The following CLEC16A variants were observed in gnomAD, a reference collection of about 807,000 sequenced individuals.
The protein encoded by CLEC16A is C-type lectin domain containing 16A, also known as protein CLEC16A.
CLEC16A carries 51 observed loss-of-function variants against 109.5 expected under a neutral mutation model. The observed-to-expected ratio is 0.47, with a 90% CI of 0.37 to 0.59. The LOEUF (loss-of-function observed/expected upper bound fraction) is 0.59. Ranked by LOEUF, CLEC16A falls within the 20% of genes least tolerant of loss-of-function variation. The pLI, the probability that CLEC16A is intolerant of heterozygous loss-of-function variation, is 0.00. For synonymous variants in CLEC16A, 673 were observed against 564.2 expected (o/e 1.19, Z -2.73); for missense variants, 1,339 against 1,394.0 (o/e 0.96, Z 0.63).
chr16:10,948,803 A>G (rs2041568204), intron 1 of CLEC16A, among the ~76,000 whole-genome samples: 1 of 152,178 alleles, frequency 6.6e-6, no homozygotes, highest in African/African-American at 2.4e-5. Context: ...TCCACCTTTC[A>G]GCTCTACCTT....
intron 18 of CLEC16A, among the ~76,000 whole-genome samples, chr16:11,060,552 G>C (rs964412934): frequency 2.2e-4 from 33 of 152,304 alleles, no homozygotes; most frequent in African/African-American, 7.7e-4. Context: ...ACCTTCTTAG[G>C]TCTCAGCTGC....
Position 11,020,333 on chromosome 16 carries a change from C to T in CLEC16A, c.1436+8C>T, listed in dbSNP as rs1402757227. On this transcript the variant is annotated splice_region_variant and intron_variant, in intron 12 of 23. Transcript: ENST00000409790. The stretch of plus-strand genomic sequence containing the variant: ...GAGCACGCAATGGAGCAGGTAGCTG[C>T]CCGAGAGGTCGATGCTGAGTGCTCT... 1 of 1,601,950 alleles carries T rather than the reference C, an allele frequency of 6.2e-7. No individual in the cohort carries two copies. The highest frequency in any genetic ancestry group is 1.1e-5 in the South Asian group (1 of 89,496).
At chr16:11,075,916 TC>T (rs1256020742) in intron 19 of CLEC16A, among the ~76,000 whole-genome samples, 22 of 152,164 alleles carry the variant, frequency 1.4e-4, no homozygotes, top group African/African-American at 5.3e-4. Context: ...TACTCCTCTG[TC>T]AAGAAATGAT....
At chr16:11,117,114 G>A (rs1003943848) in intron 19 of CLEC16A, among the ~76,000 whole-genome samples, 8 of 152,190 alleles carry the variant, frequency 5.3e-5, no homozygotes, top group African/African-American at 1.9e-4. Flanking sequence ...CTTATAAGTG[G>A]GAGCTCAACA....
chr16:11,030,972 T>C (rs72770091), intron 13 of CLEC16A, among the ~76,000 whole-genome samples: 5 of 152,210 alleles, frequency 3.3e-5, no homozygotes, highest in Non-Finnish European at 4.4e-5. Context: ...CCCCCAAGTC[T>C]GTGGCATGTC....
chr16:11,066,961 T>C (rs2048794500), intron 19 of CLEC16A, among the ~76,000 whole-genome samples: 1 of 152,086 alleles, frequency 6.6e-6, no homozygotes, highest in African/African-American at 2.4e-5. Flanking sequence ...TCGCCAACTT[T>C]TGTTTGTTTA....
chr16:11,115,606 C>T (rs954910777), intron 19 of CLEC16A, among the ~76,000 whole-genome samples: 4 of 152,172 alleles, frequency 2.6e-5, no homozygotes, highest in African/African-American at 9.7e-5. Context: ...CTCCTGGGCT[C>T]AAGCGATCCA....
At chr16:11,151,894 G>A (rs1406804631) in intron 22 of CLEC16A, among the ~76,000 whole-genome samples, 5 of 152,200 alleles carry the variant, frequency 3.3e-5, no homozygotes. Flanking sequence ...GCTTTTTAGG[G>A]TAGTTCTGAG....
At chr16:11,044,640 T>C (rs2047536815) in intron 16 of CLEC16A, among the ~76,000 whole-genome samples, 1 of 152,190 alleles carries the variant, frequency 6.6e-6, no homozygotes, top group African/African-American at 2.4e-5. Context: ...TTTATAAATA[T>C]CTAATTGCCG....
intron 7 of CLEC16A, among the ~76,000 whole-genome samples, chr16:10,974,451 G>A (rs972767677): frequency 7.9e-5 from 12 of 152,110 alleles, no homozygotes; most frequent in African/African-American, 2.9e-4. Context: ...TCTTGAACTG[G>A]GCACCATTGT....
At chr16:11,124,633 C>T (rs1430603743) in intron 21 of CLEC16A, among the ~76,000 whole-genome samples, 1 of 152,224 alleles carries the variant, frequency 6.6e-6, no homozygotes. Context: ...GCCTTCTCCT[C>T]GGCGTGGGGG....
intron 19 of CLEC16A, among the ~76,000 whole-genome samples, chr16:11,096,866 C>A (rs894968149): frequency 2.6e-5 from 4 of 151,924 alleles, no homozygotes; most frequent in Non-Finnish European, 4.4e-5. Context: ...TTATAAATTT[C>A]AATACAAAGG....
intron 19 of CLEC16A, among the ~76,000 whole-genome samples, chr16:11,114,949 T>G (rs751221892): frequency 6.6e-6 from 1 of 152,258 alleles, no homozygotes; most frequent in African/African-American, 2.4e-5. Context: ...AGTTTTCTTA[T>G]GAAATCTCTC....
intron 13 of CLEC16A, among the ~76,000 whole-genome samples, 187 bp from the exon 14 acceptor site, chr16:11,039,567 G>C (rs1028998295): frequency 6.6e-6 from 1 of 151,992 alleles, no homozygotes; most frequent in Admixed American, 6.6e-5. Context: ...TTCAAGTCCA[G>C]CCTGGGAAAC....
At position 10,954,680 on chromosome 16, in the gene CLEC16A, TTAACCC is replaced by T. The variant is rs1303003606; in HGVS notation, c.81-3099_81-3094del. 6.6e-6 allele frequency among the ~76,000 whole-genome samples: 1 copy of T among 152,220 alleles called. No homozygotes were observed. The highest frequency in any genetic ancestry group is 1.5e-5 in the Non-Finnish European group (1 of 68,032). On this transcript the variant is annotated intron_variant, in intron 1 of 23. Coordinates refer to ENST00000409790, the MANE Select transcript of CLEC16A (RefSeq NM_015226.3). The surrounding 1 kb of genome is among the most constrained non-coding windows in gnomAD (Gnocchi z 4.2). ...GACCCAGGCATTCCAGTGTCTGTGATTAACCCTATGTTCTAATTATACCAGTGTTTG... is the reference window on the plus strand; with the variant it reads ...GACCCAGGCATTCCAGTGTCTGTGATTATGTTCTAATTATACCAGTGTTTG...
At position 11,122,176 on chromosome 16, in the gene CLEC16A, G is replaced by A. The variant is rs146064847; in HGVS notation, c.2268+1410G>A. ...CTGCTGTCTGTGTCCTGCTCTCTGC[G>A]AGAACCACCCACATACTTGAAGCTA... is the stretch of plus-strand genomic sequence containing the variant. On this transcript the variant is annotated intron_variant, in intron 20 of 23. Coordinates refer to ENST00000409790, the MANE Select transcript of CLEC16A (RefSeq NM_015226.3). Among the ~76,000 whole-genome samples, 6 of 152,274 alleles carry A rather than the reference G, an allele frequency of 3.9e-5. No individual in the cohort carries two copies. In the South Asian group the frequency reaches 1.0e-3, roughly 26 times the overall value.
At chr16:11,153,640 C>T (rs1021946413) in intron 22 of CLEC16A, among the ~76,000 whole-genome samples, 44 of 150,648 alleles carry the variant, frequency 2.9e-4, no homozygotes, top group African/African-American at 1.1e-3. Flanking sequence ...CTTCTTGACG[C>T]ACATTATAGA....
intron 23 of CLEC16A, among the ~76,000 whole-genome samples, chr16:11,167,412 C>CG (rs1277399954): frequency 4.6e-5 from 7 of 152,172 alleles, no homozygotes; most frequent in Non-Finnish European, 1.5e-5. Flanking sequence ...CCTCACTCAT[C>CG]ATATTTCAGG....
At chr16:10,986,617 A>G (rs946756285) in intron 10 of CLEC16A, among the ~76,000 whole-genome samples, 2 of 152,134 alleles carry the variant, frequency 1.3e-5, no homozygotes, top group Non-Finnish European at 2.9e-5. Context: ...GATACCTCGT[A>G]TAAGTAGAAT....
Sources: allele counts gnomAD v4.1 joint callset (sites outside exome capture counted in the v4.1 genomes callset), GRCh38; gene constraint gnomAD v4.1.1; non-coding constraint Gnocchi (gnomAD v3.1); transcripts MANE v1.5; gene names NCBI Gene and HGNC (gene_info 2026-07-23, HGNC 2026-07-21).